SLC6A16: variants seen among roughly 807,000 people sequenced by gnomAD.
SLC6A16 encodes solute carrier family 6 member 16, also known as orphan sodium- and chloride-dependent neurotransmitter transporter NTT5.
Under a neutral mutation model 65.4 loss-of-function variants are expected in SLC6A16, and 54 were observed. That is an observed-to-expected ratio of 0.83 (90% CI 0.66 to 1.04). The LOEUF (loss-of-function observed/expected upper bound fraction) is 1.04, where lower values mean the gene tolerates loss of function less well. SLC6A16 is among the 50% of genes least tolerant of loss of function. The probability of loss-of-function intolerance (pLI) is 0.00; values close to 1 mark genes in which losing one functional copy is unlikely to be tolerated. For missense variants in SLC6A16, 816 were observed against 914.0 expected (o/e 0.89, Z 1.38); for synonymous variants, 330 against 346.5 (o/e 0.95, Z 0.53).
At chr19:49,309,857 T>C in intron 4 of SLC6A16, 31 bp from the exon 5 acceptor site, 1 of 1,601,214 alleles carries the variant, frequency 6.2e-7, no homozygotes, top group Non-Finnish European at 8.5e-7. Flanking sequence ...ACATGCCTGC[T>C]AGACAAGGTA....
the SLC6A16 span, among the ~76,000 whole-genome samples, chr19:49,330,944 C>CA: frequency 7.0e-6 from 1 of 143,854 alleles, no homozygotes. Context: ...AAAAAAAAAA[C>CA]ACAAAAAAAA....
At chr19:49,325,224 GC>G, upstream of SLC6A16, 1 of 985,320 alleles carries the variant, frequency 1.0e-6, no homozygotes, top group Non-Finnish European at 1.2e-6. Context: ...CCGATTCTCT[GC>G]GCATGCGCCG....
At chr19:49,333,785 A>T in the SLC6A16 span, among the ~76,000 whole-genome samples, 1 of 152,192 alleles carries the variant, frequency 6.6e-6, no homozygotes, top group Admixed American at 6.5e-5. Flanking sequence ...CTTTGACCTC[A>T]TGACTAGATA....
the SLC6A16 span, chr19:49,332,278 C>T: frequency 2.2e-5 from 10 of 456,566 alleles, no homozygotes; most frequent in East Asian, 2.8e-4. Context: ...ACTTGTCAGC[C>T]GGGTGCGGTG....
chr19:49,299,431 G>A (rs1970243620), intron 7 of SLC6A16, among the ~76,000 whole-genome samples: 1 of 151,270 alleles, frequency 6.6e-6, no homozygotes, highest in Non-Finnish European at 1.5e-5. Context: ...GCATGTGCCT[G>A]TAGTCCCAGC....
intron 7 of SLC6A16, among the ~76,000 whole-genome samples, chr19:49,298,311 T>C (rs1054763635): frequency 3.9e-5 from 6 of 152,094 alleles, no homozygotes; most frequent in African/African-American, 1.4e-4. Context: ...AAACTCAACA[T>C]GAAGGAGAGA....
intron 1 of SLC6A16, among the ~76,000 whole-genome samples, chr19:49,318,089 T>C (rs8107551): frequency 0.061 from 9,282 of 152,100 alleles, 910 homozygotes; most frequent in African/African-American, 0.21. Flanking sequence ...GAAAGAGCTC[T>C]AGGAATCTGG....
the SLC6A16 span, among the ~76,000 whole-genome samples, chr19:49,334,385 C>G: frequency 6.6e-6 from 1 of 151,960 alleles, no homozygotes; most frequent in South Asian, 2.1e-4. Flanking sequence ...ACTTGGGAGG[C>G]TGAGGTGCAA....
At chr19:49,337,236 G>A in the SLC6A16 span, 1 of 1,612,336 alleles carries the variant, frequency 6.2e-7, no homozygotes, top group Non-Finnish European at 8.5e-7. Flanking sequence ...GCTTCCTGCA[G>A]TGGCCACCAC....
At position 49,310,496 on chromosome 19, in the gene SLC6A16, T is replaced by C. The variant is rs752955523; in HGVS notation, c.430A>G (p.Ile144Val). Residue 144 changes from isoleucine to valine, a missense_variant, in exon 3 of 12, where the codon ATC becomes GTC. By Grantham distance (29) the Ile-to-Val change is conservative. Coordinates refer to ENST00000335875, the MANE Select transcript of SLC6A16 (RefSeq NM_014037.3). The part of the protein sequence containing the change: ...LNSGGCSFAA[I>V]YIFMLFLVGV... ...ACCAGGAACAGCATGAAGATGTAGA[T>C]GGCAGCGAAACTGCCTGTGAAGAAG... The C allele has an allele frequency of 1.9e-6, 3 of 1,614,092 alleles. No individual in the cohort carries two copies. Among genetic ancestry groups the C allele is most frequent in the Middle Eastern group, 3.3e-4 (2 of 6,062 alleles).
intron 4 of SLC6A16, 79 bp from the exon 5 acceptor site, chr19:49,309,905 TTC>T (rs1294751443): frequency 2.5e-4 from 384 of 1,506,808 alleles, no homozygotes; most frequent in Middle Eastern, 7.0e-4. Context: ...CACCTCCCTT[TTC>T]TCTTTCCCTC....
At chr19:49,306,498 A>G (rs1354713274) in intron 7 of SLC6A16, among the ~76,000 whole-genome samples, 1 of 151,842 alleles carries the variant, frequency 6.6e-6, no homozygotes, top group Non-Finnish European at 1.5e-5. Flanking sequence ...ATGATAGAAT[A>G]TAAAGAAAAA....
intron 6 of SLC6A16, 68 bp from the exon 7 acceptor site, chr19:49,309,185 G>A (rs1439256930): frequency 1.2e-5 from 20 of 1,600,438 alleles, no homozygotes; most frequent in Non-Finnish European, 1.5e-5. Context: ...TAATAGAAAT[G>A]TTGCAGGGAG....
At position 49,299,112 on chromosome 19, in the gene SLC6A16, G is replaced by C. The variant is rs551350076; in HGVS notation, c.1230-4559C>G. Reference sequence around the variant, plus strand: ...TACTAAAAAATTAGCCGGGCATGGTGGTGGGCGCCTGTAGTCCCAGCTACT... The same window carrying C: ...TACTAAAAAATTAGCCGGGCATGGTCGTGGGCGCCTGTAGTCCCAGCTACT... On this transcript the variant is annotated intron_variant, in intron 7 of 11. Coordinates refer to ENST00000335875, the MANE Select transcript of SLC6A16 (RefSeq NM_014037.3). Among the ~76,000 whole-genome samples, 4 of 152,178 alleles carry C rather than the reference G, an allele frequency of 2.6e-5. No homozygotes were observed. In the South Asian group the frequency reaches 6.2e-4, roughly 24 times the overall value.
At chr19:49,339,614 A>G in the SLC6A16 span, 1 of 1,436,168 alleles carries the variant, frequency 7.0e-7, no homozygotes, top group South Asian at 1.5e-5. This position sits in a 1 kb window ranked among gnomAD's most constrained non-coding sequence, Gnocchi z 4.5. Context: ...ACGCAGGGAA[A>G]GCCTCCTGCT....
At position 49,309,834 on chromosome 19, in the gene SLC6A16, G is replaced by T; in HGVS notation, c.701-8C>A. ...TCCGTTCACATTCAGGATCTGGGGG[G>T]ACCTGGCTTTAGACATGCCTGCTAG... On this transcript the variant is annotated splice_polypyrimidine_tract_variant and splice_region_variant and intron_variant, in intron 4 of 11. Coordinates refer to ENST00000335875, the MANE Select transcript of SLC6A16 (RefSeq NM_014037.3). 1 of 1,605,442 alleles carries T rather than the reference G, an allele frequency of 6.2e-7. No individual in the cohort carries two copies. Among genetic ancestry groups the T allele is most frequent in the South Asian group, 1.1e-5 (1 of 90,952 alleles).
At chr19:49,331,250 G>T in the SLC6A16 span, among the ~76,000 whole-genome samples, 1 of 151,964 alleles carries the variant, frequency 6.6e-6, no homozygotes, top group Non-Finnish European at 1.5e-5. Flanking sequence ...GTGCAATCAC[G>T]GCTCACTGCA....
chr19:49,338,599 C>T, the SLC6A16 span: 5 of 841,650 alleles, frequency 5.9e-6, no homozygotes, highest in South Asian at 7.4e-5. The surrounding 1 kb of genome is among the most constrained non-coding windows in gnomAD (Gnocchi z 5.0). Context: ...CCACTTAGTC[C>T]CCTGCTCCCC....
Position 49,290,698 on chromosome 19 carries a change from A to T in SLC6A16, c.1848T>A (p.His616Gln). 6.2e-7 allele frequency: 1 copy of T among 1,613,946 alleles called. No individual in the cohort carries two copies. Among genetic ancestry groups the T allele is most frequent in the South Asian group, 1.1e-5 (1 of 91,026 alleles). ...TGATTAGCAGCACAACTGGACACAG[A>T]TGGGGCCACAGCCAACCAAAGATGG... is the stretch of plus-strand genomic sequence containing the variant. ...ISPIFGWLWP[H>Q]LCPVVLLIIF... Residue 616 changes from histidine to glutamine, a missense_variant, in exon 11 of 12, where the codon CAT (histidine) becomes CAA (glutamine). By Grantham distance (24) the His-to-Gln change is conservative. Coordinates refer to ENST00000335875, the MANE Select transcript of SLC6A16 (RefSeq NM_014037.3).
Sources: allele counts gnomAD v4.1 joint callset (sites outside exome capture counted in the v4.1 genomes callset), GRCh38; gene constraint gnomAD v4.1.1; non-coding constraint Gnocchi (gnomAD v3.1); transcripts MANE v1.5; gene names NCBI Gene and HGNC (gene_info 2026-07-23, HGNC 2026-07-21).